SMARCA2: variants seen among roughly 807,000 people sequenced by gnomAD.
SMARCA2 encodes the protein SWI/SNF-related matrix-associated actin-dependent regulator of chromatin subfamily A member 2.
A neutral mutation model predicts 199.8 loss-of-function variants in SMARCA2; 61 were observed. That is an observed-to-expected ratio of 0.31 (90% CI 0.25 to 0.38). SMARCA2 has a LOEUF of 0.38. Ranked by LOEUF, SMARCA2 falls within the 10% of genes least tolerant of loss-of-function variation. The pLI, the probability that SMARCA2 is intolerant of heterozygous loss-of-function variation, is 1.00. For synonymous variants in SMARCA2, 935 were observed against 732.0 expected, an observed-to-expected ratio of 1.28 and a Z score of -4.48; for missense variants, 1,344 against 2,012.2, an observed-to-expected ratio of 0.67 and a Z score of 6.35.
intron 26 of SMARCA2, among the ~76,000 whole-genome samples, chr9:2,121,527 T>A (rs541789785): frequency 6.6e-6 from 1 of 152,334 alleles, no homozygotes; most frequent in East Asian, 1.9e-4. Flanking sequence ...CAGCTACAGA[T>A]TAAAAAGTTT....
chr9:2,025,802 C>G (rs1818804110), intron 1 of SMARCA2, among the ~76,000 whole-genome samples: 1 of 152,112 alleles, frequency 6.6e-6, no homozygotes, highest in South Asian at 2.1e-4. Context: ...AATAAAATTG[C>G]CACCCGAAAT....
chr9:2,186,063 G>A, intron 31 of SMARCA2, 33 bp from the exon 32 acceptor site: 1 of 1,605,884 alleles, frequency 6.2e-7, no homozygotes, highest in East Asian at 2.2e-5. Context: ...AACTCAGCTT[G>A]CAGTTTTAAC....
chr9:2,184,446 G>GGGTTCAAGC (rs1245547225), intron 31 of SMARCA2, among the ~76,000 whole-genome samples: 5 of 147,792 alleles, frequency 3.4e-5, no homozygotes, highest in Non-Finnish European at 7.4e-5. Context: ...TCTGCCTCCT[G>GGGTTCAAGC]GGTTCAAGCA....
chr9:2,077,795 G>T lies in SMARCA2; in HGVS notation c.2184+19G>T. 1.9e-6 allele frequency: 3 copies of T among 1,590,712 alleles called. No homozygotes were observed. Among genetic ancestry groups the T allele is most frequent in the Non-Finnish European group, 2.6e-6 (3 of 1,167,534 alleles). ...TTACCAGGTAATTGGCATGGTTTCAGTTTCCTTGGCAAGTTGTAACCATTT... is the reference window on the plus strand; with the variant it reads ...TTACCAGGTAATTGGCATGGTTTCATTTTCCTTGGCAAGTTGTAACCATTT... On this transcript the variant is annotated intron_variant, in intron 14 of 33. Coordinates refer to ENST00000349721, the MANE Select transcript of SMARCA2 (RefSeq NM_003070.5).
intron 9 of SMARCA2, among the ~76,000 whole-genome samples, chr9:2,064,965 A>C (rs930210280): frequency 5.3e-5 from 8 of 152,218 alleles, no homozygotes; most frequent in African/African-American, 1.9e-4. Flanking sequence ...CGGGCGGATC[A>C]CGAAGTCAGG....
chr9:2,052,444 C>A (rs1246360421), intron 5 of SMARCA2, among the ~76,000 whole-genome samples: 1 of 152,214 alleles, frequency 6.6e-6, no homozygotes, highest in East Asian at 1.9e-4. Context: ...CCACTGCACT[C>A]CAGCCTGGCC....
chr9:2,101,502 A>G (rs1822513343), intron 21 of SMARCA2, 68 bp from the exon 22 acceptor site: 1 of 834,286 alleles, frequency 1.2e-6, no homozygotes, highest in Non-Finnish European at 1.9e-6. Flanking sequence ...TAACCTCACT[A>G]AAAGAGTAAT....
intron 27 of SMARCA2, chr9:2,160,547 C>A: frequency 1.5e-6 from 1 of 687,188 alleles, no homozygotes; most frequent in South Asian, 1.6e-5. Flanking sequence ...GAGCTGTAAT[C>A]ACTCTTTATA....
chr9:2,073,286 C>A lies in SMARCA2; in HGVS notation c.1821C>A (p.Phe607Leu), dbSNP rs201735133. The A allele has an allele frequency of 1.2e-6, 2 of 1,613,994 alleles. No individual in the cohort carries two copies. The highest frequency in any genetic ancestry group is 1.3e-5 in the African/African-American group (1 of 74,896). ...VTHTETGKVL[F>L]GPEAPKASQL... ...ACACAGAAACCGGCAAGGTTCTGTTCGGACCAGAAGCACCCAAAGCAAGTC... is the reference window on the plus strand; with the variant it reads ...ACACAGAAACCGGCAAGGTTCTGTTAGGACCAGAAGCACCCAAAGCAAGTC... The change falls in exon 11 of 34, where the codon TTC (phenylalanine) becomes TTA (leucine). Residue 607 changes from phenylalanine to leucine, a missense_variant. Around this residue, in one of 18 missense-constraint regions of SMARCA2, gnomAD observed 106 missense variants for 179.7 expected, o/e 0.59. Transcript: ENST00000349721.
In SMARCA2 at chr9:2,125,578, C is replaced by G. The variant is rs150026962; in HGVS notation, c.3981+1641C>G. 5.8e-3 allele frequency among the ~76,000 whole-genome samples: 886 copies of G among 151,804 alleles called. 7 individuals are homozygous for G. The highest frequency in any genetic ancestry group is 0.02 in the African/African-American group (817 of 41,328). On this transcript the variant is annotated intron_variant, in intron 27 of 33. Transcript: ENST00000349721. ...GGTCTCAGCTCAGTGCAACCTCTGC[C>G]TACCGGGTTCAAGGGATTCTCCTGC... is the stretch of plus-strand genomic sequence containing the variant.
chr9:2,166,470 G>A (rs1586779622), intron 28 of SMARCA2, among the ~76,000 whole-genome samples: 1 of 152,176 alleles, frequency 6.6e-6, no homozygotes. Context: ...CATGAATACT[G>A]CCAAGGTTAG....
chr9:2,142,830 C>T lies in SMARCA2; in HGVS notation c.3982-18856C>T, dbSNP rs542056855. Among the ~76,000 whole-genome samples, 7 of 152,180 alleles carry T rather than the reference C, an allele frequency of 4.6e-5. No homozygotes were observed. In the South Asian group the frequency reaches 8.3e-4, roughly 18 times the overall value. On this transcript the variant is annotated intron_variant, in intron 27 of 33. Coordinates refer to ENST00000349721, the MANE Select transcript of SMARCA2 (RefSeq NM_003070.5). ...ATCATCCAAGCCAGTTGTTAGAACG[C>T]GTTTCCCTAGCAAGCTCTGTCATCC...
intron 23 of SMARCA2, among the ~76,000 whole-genome samples, chr9:2,107,535 C>G (rs1375691887): frequency 6.6e-6 from 1 of 152,138 alleles, no homozygotes; most frequent in Non-Finnish European, 1.5e-5. Flanking sequence ...CCAGGGTGAT[C>G]TCGAACCCCT....
intron 27 of SMARCA2, among the ~76,000 whole-genome samples, chr9:2,138,316 G>A (rs568373844): frequency 6.6e-6 from 1 of 152,116 alleles, no homozygotes; most frequent in Non-Finnish European, 1.5e-5. Flanking sequence ...CTTCTTTTAT[G>A]TTAAAGAATG....
intron 1 of SMARCA2, among the ~76,000 whole-genome samples, chr9:2,024,061 AAGAC>A (rs1818717705): frequency 6.6e-6 from 1 of 152,188 alleles, no homozygotes; most frequent in African/African-American, 2.4e-5. Context: ...GCTGTGAAAA[AAGAC>A]AGGCTGGAGA....
At chr9:2,175,277 CAAA>C (rs1826501552) in intron 29 of SMARCA2, among the ~76,000 whole-genome samples, 1 of 151,924 alleles carries the variant, frequency 6.6e-6, no homozygotes, top group Non-Finnish European at 1.5e-5. Context: ...CAAATCTACT[CAAA>C]AACATTTTTT....
chr9:2,119,445 T>C lies in SMARCA2; in HGVS notation c.3685-13T>C, dbSNP rs1472433357. On this transcript the variant is annotated splice_polypyrimidine_tract_variant and intron_variant, in intron 25 of 33. Transcript: ENST00000349721. This position sits in a 1 kb window ranked among gnomAD's most constrained non-coding sequence, Gnocchi z 4.6. ...CTGTCCACTGGTTAAAATCACTCTG[T>C]TTTTAACCCCAGGAAGAAGATGAAG... 3.1e-6 allele frequency: 5 copies of C among 1,595,468 alleles called. No homozygotes were observed. The highest frequency in any genetic ancestry group is 1.3e-5 in the African/African-American group (1 of 74,598).
intron 20 of SMARCA2, chr9:2,096,979 ATAGT>A (rs1195133842): frequency 1.8e-6 from 1 of 554,718 alleles, no homozygotes; most frequent in African/African-American, 1.9e-5. Flanking sequence ...TATTACCAAA[ATAGT>A]TAGCTCTGCT....
At chr9:2,092,362 T>A (rs897233610) in intron 19 of SMARCA2, among the ~76,000 whole-genome samples, 3 of 152,232 alleles carry the variant, frequency 2.0e-5, no homozygotes, top group Admixed American at 1.3e-4. Flanking sequence ...ATTCATTATA[T>A]CAAATTTTGG....
Sources: gnomAD v4.1 joint callset for allele counts (sites outside exome capture counted in the v4.1 genomes callset) on GRCh38, gnomAD v4.1.1 for gene constraint, gnomAD v4.1.1 regional missense constraint, Gnocchi (gnomAD v3.1) non-coding constraint, MANE v1.5 for transcripts, NCBI Gene and HGNC (gene_info 2026-07-23, HGNC 2026-07-21) for gene names.